The following SPATA6L variants were observed in gnomAD, a reference collection of about 807,000 sequenced individuals.
SPATA6L encodes the protein spermatogenesis associated 6-like protein.
Under a neutral mutation model 49.2 loss-of-function variants are expected in SPATA6L, and 68 were observed. The observed-to-expected ratio is 1.38, with a 90% confidence interval of 1.14 to 1.69. SPATA6L has a LOEUF of 1.69. Ranked by LOEUF, SPATA6L falls within the 40% of genes most tolerant of loss-of-function variation. The probability of loss-of-function intolerance (pLI) is 0.00; values close to 1 mark genes in which losing one functional copy is unlikely to be tolerated. For synonymous variants in SPATA6L, 198 were observed against 165.7 expected, an observed-to-expected ratio of 1.19 and a Z score of -1.50; for missense variants, 668 against 464.3, an observed-to-expected ratio of 1.44 and a Z score of -4.03.
At chr9:4,609,441 A>T (rs1272715521) in intron 9 of SPATA6L, among the ~76,000 whole-genome samples, 10 of 152,080 alleles carry the variant, frequency 6.6e-5, no homozygotes, top group Admixed American at 2.6e-4. Context: ...AAAAAGCTTA[A>T]CCACCATGAT....
chr9:4,603,371 A>C lies in SPATA6L; in HGVS notation c.*1+808T>G, dbSNP rs186228192. 1.2e-3 allele frequency among the ~76,000 whole-genome samples: 188 copies of C among 152,320 alleles called. 2 individuals carry two copies. The highest frequency in any genetic ancestry group is 4.0e-4 in the Non-Finnish European group (27 of 68,034). Reference sequence around the variant, plus strand: ...CTTGAACCTGGGGGGTGGAGGTTGCAGTGAACCAAGATTGCGCCATTGCAC... The same window carrying C: ...CTTGAACCTGGGGGGTGGAGGTTGCCGTGAACCAAGATTGCGCCATTGCAC... On this transcript the variant is annotated intron_variant, in intron 11 of 11. Coordinates refer to ENST00000682582, the MANE Select transcript of SPATA6L (RefSeq NM_001353486.2).
At chr9:4,620,798 G>T (rs1045827329) in intron 7 of SPATA6L, among the ~76,000 whole-genome samples, 1 of 152,196 alleles carries the variant, frequency 6.6e-6, no homozygotes, top group African/African-American at 2.4e-5. Flanking sequence ...CATCGTAATA[G>T]AGCCTGCATT....
chr9:4,592,463 T>C (rs571670967), intron 13 of SPATA6L, among the ~76,000 whole-genome samples: 1 of 152,310 alleles, frequency 6.6e-6, no homozygotes, highest in East Asian at 1.9e-4. Flanking sequence ...GTGGGTACTA[T>C]TATTATCCCC....
chr9:4,612,441 C>T (rs372923242), intron 9 of SPATA6L, among the ~76,000 whole-genome samples: 6 of 152,186 alleles, frequency 3.9e-5, no homozygotes, highest in African/African-American at 1.4e-4. Context: ...CTCTCTTCTA[C>T]CTCCCAACCC....
chr9:4,590,293 G>A (rs1213745130), intron 13 of SPATA6L, among the ~76,000 whole-genome samples: 4 of 152,172 alleles, frequency 2.6e-5, no homozygotes, highest in Non-Finnish European at 4.4e-5. Flanking sequence ...ATCCATCAAG[G>A]ATGGAAATGA....
At chr9:4,658,968 A>G (rs1170805990) in intron 2 of SPATA6L, among the ~76,000 whole-genome samples, 11 of 141,978 alleles carry the variant, frequency 7.7e-5, no homozygotes, top group Non-Finnish European at 4.6e-5. Flanking sequence ...AAAAAAAAAA[A>G]GGCTTCTACA....
chr9:4,590,001 G>C (rs993918194), intron 13 of SPATA6L, among the ~76,000 whole-genome samples: 6 of 152,160 alleles, frequency 3.9e-5, no homozygotes, highest in African/African-American at 1.4e-4. Context: ...TTGGTTCACT[G>C]CAACCTCTGC....
At chr9:4,627,473 G>A (rs2130477212) in intron 5 of SPATA6L, 1 of 241,822 alleles carries the variant, frequency 4.1e-6, no homozygotes. Flanking sequence ...ACATTTTCAA[G>A]GTCTTTTCTA....
intron 7 of SPATA6L, among the ~76,000 whole-genome samples, chr9:4,621,948 T>G (rs927367317): frequency 1.3e-5 from 2 of 152,234 alleles, no homozygotes; most frequent in African/African-American, 4.8e-5. Context: ...TGCCTTCATC[T>G]AACTGCTTCA....
chr9:4,643,572 A>G (rs180975351), intron 3 of SPATA6L, among the ~76,000 whole-genome samples: 90 of 152,380 alleles, frequency 5.9e-4, no homozygotes, highest in Non-Finnish European at 8.5e-4. Flanking sequence ...GGAAAAATAC[A>G]CAGCTATTGA....
intron 2 of SPATA6L, among the ~76,000 whole-genome samples, chr9:4,659,271 CAGAT>C (rs948535694): frequency 2.0e-5 from 3 of 152,184 alleles, no homozygotes; most frequent in African/African-American, 4.8e-5. Flanking sequence ...CAGGTTGAAA[CAGAT>C]AGGTCACTTT....
intron 9 of SPATA6L, among the ~76,000 whole-genome samples, chr9:4,613,309 T>C (rs1176852265): frequency 6.6e-6 from 1 of 152,002 alleles, no homozygotes; most frequent in East Asian, 1.9e-4. Flanking sequence ...GACAGGAACA[T>C]CTGGAAATCC....
intron 10 of SPATA6L, 23 bp downstream of exon 10, chr9:4,605,324 C>G (rs1190135063): frequency 1.3e-6 from 2 of 1,576,896 alleles, no homozygotes; most frequent in Non-Finnish European, 8.7e-7. Context: ...GAGCAAAGAT[C>G]TAGTTTTATA....
chr9:4,606,496 C>A (rs867116911), intron 9 of SPATA6L, among the ~76,000 whole-genome samples: 25 of 41,172 alleles, frequency 6.1e-4, no homozygotes, highest in Admixed American at 1.2e-3. Flanking sequence ...GACCCCTGAC[C>A]CCCGAGCAGC....
chr9:4,651,392 A>G (rs772020682), intron 3 of SPATA6L, among the ~76,000 whole-genome samples: 1 of 152,242 alleles, frequency 6.6e-6, no homozygotes, highest in Non-Finnish European at 1.5e-5. Context: ...AGACAAGCCC[A>G]GGTCCAGATG....
chr9:4,656,207 G>T, intron 2 of SPATA6L, 118 bp from the exon 3 acceptor site: 1 of 757,792 alleles, frequency 1.3e-6, no homozygotes, highest in Non-Finnish European at 2.2e-6. Context: ...GGGAGGCCGA[G>T]GTGGGTGTAT....
intron 1 of SPATA6L, chr9:4,663,219 C>G (rs1178330822): frequency 6.2e-7 from 1 of 1,614,010 alleles, no homozygotes; most frequent in African/African-American, 1.3e-5. Context: ...CTGGCTCTCA[C>G]CCCATAATGC....
chr9:4,597,113 A>G (rs1259894346), downstream of SPATA6L, among the ~76,000 whole-genome samples: 1 of 152,140 alleles, frequency 6.6e-6, no homozygotes, highest in African/African-American at 2.4e-5. Flanking sequence ...AGGTTAAATT[A>G]TCTGTCCAAG....
chr9:4,610,896 C>G (rs1826551099), intron 9 of SPATA6L, among the ~76,000 whole-genome samples: 1 of 150,904 alleles, frequency 6.6e-6, no homozygotes, highest in African/African-American at 2.4e-5. Context: ...GCAACCTACT[C>G]ATCTGACAAA....
Sources: allele counts gnomAD v4.1 joint callset (sites outside exome capture counted in the v4.1 genomes callset), GRCh38; gene constraint gnomAD v4.1.1; transcripts MANE v1.5; gene names NCBI Gene and HGNC (gene_info 2026-07-23, HGNC 2026-07-21).